CHIC2: variants seen among roughly 807,000 people sequenced by gnomAD.
The protein encoded by CHIC2 is cysteine-rich hydrophobic domain-containing protein 2.
A neutral mutation model predicts 25.9 loss-of-function variants in CHIC2; 14 were observed. The ratio of observed to expected loss-of-function variants is 0.54; its 90% CI spans 0.36 to 0.85. The LOEUF (loss-of-function observed/expected upper bound fraction) is 0.85, where lower values mean the gene tolerates loss of function less well. Among genes scored for constraint, CHIC2 ranks in the 40% least tolerant of loss-of-function variants. The pLI is 0.01. For synonymous variants in CHIC2, 70 were observed against 72.0 expected, an observed-to-expected ratio of 0.97 and a Z score of 0.14; for missense variants, 146 against 202.0, an observed-to-expected ratio of 0.72 and a Z score of 1.68.
chr4:54,090,307 T>C, the CHIC2 span, among the ~76,000 whole-genome samples: 1 of 152,118 alleles, frequency 6.6e-6, no homozygotes, highest in African/African-American at 2.4e-5. Context: ...TGTCTCAGCC[T>C]CCCAAGTAGC....
At chr4:54,084,773 A>G in the CHIC2 span, among the ~76,000 whole-genome samples, 1 of 151,870 alleles carries the variant, frequency 6.6e-6, no homozygotes, top group Non-Finnish European at 1.5e-5. Flanking sequence ...AACCCCAGAA[A>G]GCAAAAAATT....
At chr4:54,015,634 C>A (rs186685423) in intron 3 of CHIC2, among the ~76,000 whole-genome samples, 19 of 152,066 alleles carry the variant, frequency 1.2e-4, no homozygotes, top group Non-Finnish European at 5.9e-5. Context: ...TGATTCTAAT[C>A]GCACCATGAA....
chr4:54,013,839 A>C lies in CHIC2; in HGVS notation c.445T>G (p.Tyr149Asp). The C allele has an allele frequency of 1.9e-6, 3 of 1,612,994 alleles. No individual in the cohort carries two copies. The highest frequency in any genetic ancestry group is 2.5e-6 in the Non-Finnish European group (3 of 1,179,210). ...RKCETNNMME[Y>D]VILIEFLPKT... ...CACAAAACAGCCCTTTAACTTACATATTCCATCATGTTATTCGTTTCACAT... is the reference window on the plus strand; with the variant it reads ...CACAAAACAGCCCTTTAACTTACATCTTCCATCATGTTATTCGTTTCACAT... The change falls in exon 5 of 6, where the codon TAT becomes GAT. Residue 149 changes from tyrosine to aspartate, a missense_variant and splice_region_variant. Transcript: ENST00000263921.
At chr4:54,019,541 G>A (rs927214804) in intron 3 of CHIC2, among the ~76,000 whole-genome samples, 2 of 152,096 alleles carry the variant, frequency 1.3e-5, no homozygotes, top group African/African-American at 4.8e-5. Context: ...AGGCTAGTGA[G>A]AGAATATTAA....
chr4:54,065,671 G>A (rs1329275007), upstream of CHIC2, among the ~76,000 whole-genome samples: 2 of 152,328 alleles, frequency 1.3e-5, no homozygotes, highest in Middle Eastern at 6.8e-3. Flanking sequence ...TCTGAGAAGA[G>A]AGTCCTGGAC....
chr4:54,031,621 T>C (rs1376856994), intron 3 of CHIC2, among the ~76,000 whole-genome samples: 1 of 139,618 alleles, frequency 7.2e-6, no homozygotes, highest in Admixed American at 7.1e-5. Context: ...CTTTTTTTTT[T>C]TTTTTTTTTT....
intron 3 of CHIC2, among the ~76,000 whole-genome samples, chr4:54,047,017 A>G (rs1716848931): frequency 6.6e-6 from 1 of 152,232 alleles, no homozygotes; most frequent in Non-Finnish European, 1.5e-5. Flanking sequence ...TCAAAAGAAG[A>G]CATTTATGCA....
intron 3 of CHIC2, among the ~76,000 whole-genome samples, chr4:54,040,890 G>T (rs139731135): frequency 4.4e-4 from 66 of 150,184 alleles, no homozygotes; most frequent in African/African-American, 1.3e-3. Context: ...ATCATAATAA[G>T]AATAATAATA....
Position 54,062,371 on chromosome 4 carries a change from C to G in CHIC2, c.119+1811G>C, listed in dbSNP as rs140305380. Among the ~76,000 whole-genome samples the G allele has an allele frequency of 7.4e-3, 1,103 of 149,540 alleles. 12 individuals carry two copies. Among genetic ancestry groups the G allele is most frequent in the African/African-American group, 0.025 (995 of 39,066 alleles). On this transcript the variant is annotated intron_variant, in intron 1 of 5. Transcript: ENST00000263921. ...TTTATTTATTTATTATTTTAACTGTCCACTCCTAGGACCCTCACTTAGTAT... is the reference window on the plus strand; with the variant it reads ...TTTATTTATTTATTATTTTAACTGTGCACTCCTAGGACCCTCACTTAGTAT...
chr4:54,067,503 ACTC>A (rs1472205365), upstream of CHIC2, among the ~76,000 whole-genome samples: 3 of 147,986 alleles, frequency 2.0e-5, no homozygotes, highest in Non-Finnish European at 4.5e-5. Context: ...TTCCTGTAAA[ACTC>A]CTCCCCCAAT....
At chr4:54,039,265 G>A (rs1449891684) in intron 3 of CHIC2, among the ~76,000 whole-genome samples, 5 of 152,100 alleles carry the variant, frequency 3.3e-5, no homozygotes, top group East Asian at 1.9e-4. Context: ...CTTTTGTTCC[G>A]CCGAAGACAT....
At chr4:54,090,612 A>G in the CHIC2 span, among the ~76,000 whole-genome samples, 2 of 152,324 alleles carry the variant, frequency 1.3e-5, no homozygotes, top group African/African-American at 2.4e-5. Context: ...CATAGTTTGT[A>G]TACTGAGTGC....
At chr4:54,032,877 G>A (rs894520144) in intron 3 of CHIC2, among the ~76,000 whole-genome samples, 5 of 152,176 alleles carry the variant, frequency 3.3e-5, no homozygotes, top group African/African-American at 1.2e-4. Context: ...TAAATCTCAT[G>A]TTGAAATGTA....
chr4:54,076,518 C>G, the CHIC2 span: 1 of 152,164 alleles, frequency 6.6e-6, no homozygotes, highest in African/African-American at 2.4e-5. Context: ...TTTTAAAAGT[C>G]TATATGCTTC....
At chr4:54,075,684 G>C in the CHIC2 span, among the ~76,000 whole-genome samples, 1 of 152,150 alleles carries the variant, frequency 6.6e-6, no homozygotes, top group Non-Finnish European at 1.5e-5. Flanking sequence ...CTCCTGAGTA[G>C]CTGGGATTAC....
At chr4:54,033,877 C>T (rs971667252) in intron 3 of CHIC2, among the ~76,000 whole-genome samples, 5 of 152,066 alleles carry the variant, frequency 3.3e-5, no homozygotes, top group East Asian at 1.9e-4. Context: ...TATCTTGATG[C>T]GAGTACCACA....
At chr4:54,058,590 AC>A (rs1348259982) in intron 1 of CHIC2, among the ~76,000 whole-genome samples, 1 of 151,718 alleles carries the variant, frequency 6.6e-6, no homozygotes, top group African/African-American at 2.4e-5. Flanking sequence ...ACACACACAC[AC>A]ACACAATCTT....
chr4:54,089,096 G>A, the CHIC2 span, among the ~76,000 whole-genome samples: 16 of 152,150 alleles, frequency 1.1e-4, no homozygotes, highest in African/African-American at 3.6e-4. Flanking sequence ...GACTGTAGGA[G>A]AGACTGACCA....
chr4:54,077,890 A>G, the CHIC2 span, among the ~76,000 whole-genome samples: 3 of 152,236 alleles, frequency 2.0e-5, no homozygotes, highest in Non-Finnish European at 2.9e-5. Context: ...ATTCACAATT[A>G]CAGCATGAAT....
Sources: allele counts gnomAD v4.1 joint callset (sites outside exome capture counted in the v4.1 genomes callset), GRCh38; gene constraint gnomAD v4.1.1; transcripts MANE v1.5; gene names NCBI Gene and HGNC (gene_info 2026-07-23, HGNC 2026-07-21).